ARHGAP21: variants seen among roughly 807,000 people sequenced by gnomAD.
The protein encoded by ARHGAP21 is Rho GTPase activating protein 21, also known as rho GTPase-activating protein 21.
ARHGAP21 carries 38 observed loss-of-function variants against 164.6 expected under a neutral mutation model. The observed-to-expected ratio is 0.23, with a 90% CI of 0.18 to 0.30. The LOEUF is 0.30. Ranked by LOEUF, ARHGAP21 falls within the 10% of genes least tolerant of loss-of-function variation. The pLI is 1.00. For synonymous variants in ARHGAP21, 766 were observed against 857.9 expected, an observed-to-expected ratio of 0.89 and a Z score of 1.87; for missense variants, 1,822 against 2,370.7, an observed-to-expected ratio of 0.77 and a Z score of 4.81.
intron 2 of ARHGAP21, among the ~76,000 whole-genome samples, chr10:24,707,996 A>C (rs541701631): frequency 6.6e-6 from 1 of 152,356 alleles, no homozygotes. Context: ...TTTCCCAAGT[A>C]TGTTCCTACT....
intron 4 of ARHGAP21, among the ~76,000 whole-genome samples, chr10:24,638,937 C>A (rs568453781): frequency 6.6e-6 from 1 of 152,102 alleles, no homozygotes; most frequent in Non-Finnish European, 1.5e-5. Context: ...AACTTGAACA[C>A]TACACTTGAA....
intron 3 of ARHGAP21, among the ~76,000 whole-genome samples, chr10:24,668,124 G>C (rs981079426): frequency 6.6e-6 from 1 of 152,204 alleles, no homozygotes; most frequent in Non-Finnish European, 1.5e-5. Context: ...TATTGTGTTA[G>C]TCGACTTATC....
chr10:24,652,093 T>C (rs2131557450), intron 4 of ARHGAP21, among the ~76,000 whole-genome samples: 1 of 152,340 alleles, frequency 6.6e-6, no homozygotes, highest in East Asian at 1.9e-4. Flanking sequence ...TATTCTTCTT[T>C]TTTTAACAAC....
At chr10:24,678,229 C>T (rs1315103911) in intron 2 of ARHGAP21, among the ~76,000 whole-genome samples, 1 of 152,204 alleles carries the variant, frequency 6.6e-6, no homozygotes, top group East Asian at 1.9e-4. Context: ...GTTACTGACA[C>T]AGATACAATC....
At chr10:24,592,283 G>A (rs1036358609) in intron 21 of ARHGAP21, among the ~76,000 whole-genome samples, 2 of 150,042 alleles carry the variant, frequency 1.3e-5, no homozygotes, top group Non-Finnish European at 2.9e-5. Context: ...GGCAGGTCTC[G>A]AAATCGTGGA....
At chr10:24,695,104 A>T (rs2132055874) in intron 2 of ARHGAP21, among the ~76,000 whole-genome samples, 1 of 144,148 alleles carries the variant, frequency 6.9e-6, no homozygotes. Flanking sequence ...AAACGAAAAG[A>T]AAGAAAAGAA....
At chr10:24,610,976 A>G (rs1201326139) in intron 9 of ARHGAP21, among the ~76,000 whole-genome samples, 2 of 152,264 alleles carry the variant, frequency 1.3e-5, no homozygotes, top group African/African-American at 2.4e-5. Flanking sequence ...ACAGTGATTT[A>G]TAACTGTTTT....
chr10:24,608,233 C>T (rs940724304), intron 9 of ARHGAP21, among the ~76,000 whole-genome samples: 1 of 152,074 alleles, frequency 6.6e-6, no homozygotes, highest in Non-Finnish European at 1.5e-5. Context: ...CATGTAACAC[C>T]CTGAAAGAAT....
Position 24,594,950 on chromosome 10 carries a change from CTTAT to C in ARHGAP21, c.3872_3875del (p.Asn1291ArgfsTer7). The C allele has an allele frequency of 6.2e-7, 1 of 1,601,420 alleles. No individual in the cohort carries two copies. Among genetic ancestry groups the C allele is most frequent in the Non-Finnish European group, 8.5e-7 (1 of 1,171,772 alleles). ...TTTCTTCAATAAGCATTTTACATACCTTATTTTTTTCTGAATTTTCTGCCACTGT... is the reference window on the plus strand; with the variant it reads ...TTTCTTCAATAAGCATTTTACATACCTTTTTTCTGAATTTTCTGCCACTGT... On this transcript the variant is annotated frameshift_variant and splice_region_variant, in exon 21 of 26. Coordinates refer to ENST00000396432, the MANE Select transcript of ARHGAP21 (RefSeq NM_020824.4). LOFTEE classifies it high-confidence loss of function.
chr10:24,602,927 A>T (rs2076873754), intron 12 of ARHGAP21, among the ~76,000 whole-genome samples: 1 of 152,186 alleles, frequency 6.6e-6, no homozygotes, highest in Admixed American at 6.5e-5. Context: ...TTCATCAAGA[A>T]GGTGAATGGA....
intron 2 of ARHGAP21, among the ~76,000 whole-genome samples, chr10:24,714,720 A>G (rs1565208162): frequency 2.0e-5 from 3 of 152,320 alleles, no homozygotes; most frequent in African/African-American, 7.2e-5. Context: ...TATGCCTCCA[A>G]TGAAGAAACT....
intron 21 of ARHGAP21, among the ~76,000 whole-genome samples, chr10:24,593,409 T>G (rs563457166): frequency 4.7e-4 from 71 of 152,350 alleles, no homozygotes; most frequent in African/African-American, 1.5e-3. Flanking sequence ...AAATGCCTTA[T>G]GTAAAATTTT....
Position 24,635,118 on chromosome 10 carries a change from C to A in ARHGAP21, c.269-15G>T. On this transcript the variant is annotated splice_polypyrimidine_tract_variant and intron_variant, in intron 4 of 25. Coordinates refer to ENST00000396432, the MANE Select transcript of ARHGAP21 (RefSeq NM_020824.4). The stretch of plus-strand genomic sequence containing the variant: ...TCTTTGTTTTCCTGTTACAGAGAAG[C>A]CCAAAGCATGATTTTACTTCACAAT... 2 of 1,537,414 alleles carry A rather than the reference C, an allele frequency of 1.3e-6. No homozygotes were observed. Among genetic ancestry groups the A allele is most frequent in the Admixed American group, 2.0e-5 (1 of 50,278 alleles).
chr10:24,651,889 A>C (rs1475126954), intron 4 of ARHGAP21, among the ~76,000 whole-genome samples: 1 of 152,210 alleles, frequency 6.6e-6, no homozygotes, highest in Non-Finnish European at 1.5e-5. Context: ...GGGTATAGAA[A>C]CTGAAAATTT....
chr10:24,642,989 A>G (rs913315791), intron 4 of ARHGAP21, among the ~76,000 whole-genome samples: 1 of 152,224 alleles, frequency 6.6e-6, no homozygotes, highest in African/African-American at 2.4e-5. Context: ...GGACAAAGCA[A>G]TAGTGCTACG....
In ARHGAP21 at chr10:24,595,917, C is replaced by T; in HGVS notation, c.3604G>A (p.Gly1202Arg). The change falls in exon 18 of 26, where the codon GGA (glycine) becomes AGA (arginine). Residue 1202 changes from glycine (G) to arginine (R), a missense_variant. By Grantham distance (125) the Gly-to-Arg change is moderately radical (BLOSUM62 -2). This residue lies in a region of ARHGAP21 where 117 missense variants were observed against 238.1 expected (regional missense o/e 0.49). Transcript: ENST00000396432. Reference sequence around the variant, plus strand: ...TCTTGTATATCAATATCAGCCATTCCCTTGTTGAGTTCTTCTTGCATACTT... The same window carrying T: ...TCTTGTATATCAATATCAGCCATTCTCTTGTTGAGTTCTTCTTGCATACTT... ...ISSMQEELNK[G>R]MADIDIQDDK... 2 of 1,613,212 alleles carry T rather than the reference C, an allele frequency of 1.2e-6. No individual in the cohort carries two copies. The highest frequency in any genetic ancestry group is 1.7e-6 in the Non-Finnish European group (2 of 1,179,696).
At chr10:24,719,978 TA>T (rs1845770708) in intron 2 of ARHGAP21, among the ~76,000 whole-genome samples, 1 of 152,186 alleles carries the variant, frequency 6.6e-6, no homozygotes, top group Non-Finnish European at 1.5e-5. Flanking sequence ...GAAAGTCAAA[TA>T]ATATTGTAGT....
rs1422933800 is a variant in ARHGAP21, at chr10:24,620,414, C to T, written c.1481G>A (p.Arg494His). ...PSVSFSNHRT[R>H]SWDYIEGQDE... is the part of the protein sequence containing the mutation. Reference sequence around the variant, plus strand: ...CTGTCCCTCAATATAATCCCATGAACGAGTTCTATGATTACTAAAACTAAC... The same window carrying T: ...CTGTCCCTCAATATAATCCCATGAATGAGTTCTATGATTACTAAAACTAAC... Residue 494 changes from arginine (R) to histidine (H), a missense_variant, in exon 9 of 26, where the codon CGT becomes CAT. This residue lies in a region of ARHGAP21 where 1,090 missense variants were observed against 1,378.9 expected (regional missense o/e 0.79). Transcript: ENST00000396432. The T allele has an allele frequency of 2.0e-5, 33 of 1,611,650 alleles. No homozygotes were observed. The African/African-American group carries it at 2.4e-4, about 12-fold the overall frequency.
chr10:24,708,922 A>G (rs1369429529), intron 2 of ARHGAP21, among the ~76,000 whole-genome samples: 1 of 152,164 alleles, frequency 6.6e-6, no homozygotes, highest in Non-Finnish European at 1.5e-5. Context: ...TATCTTTTTG[A>G]TAAGTGGATT....
Sources: gnomAD v4.1 joint callset for allele counts (sites outside exome capture counted in the v4.1 genomes callset) on GRCh38, gnomAD v4.1.1 for gene constraint, gnomAD v4.1.1 regional missense constraint, MANE v1.5 for transcripts, NCBI Gene and HGNC (gene_info 2026-07-23, HGNC 2026-07-21) for gene names.